The following PTPRR variants were observed in gnomAD, a reference collection of about 807,000 sequenced individuals.
The protein encoded by PTPRR is protein tyrosine phosphatase receptor type R.
In PTPRR, 38 loss-of-function variants were observed where a neutral mutation model predicts 77.2. That is an observed-to-expected ratio of 0.49 (90% confidence interval 0.38 to 0.65). PTPRR has a LOEUF of 0.65. Among genes scored for constraint, PTPRR ranks in the 30% least tolerant of loss-of-function variants. PTPRR has a pLI of 0.00. For synonymous variants in PTPRR, 299 were observed against 283.1 expected, an observed-to-expected ratio of 1.06 and a Z score of -0.57; for missense variants, 744 against 799.2, an observed-to-expected ratio of 0.93 and a Z score of 0.83.
At chr12:70,717,102 TCCTC>T (rs372786926) in intron 6 of PTPRR, among the ~76,000 whole-genome samples, 4 of 152,326 alleles carry the variant, frequency 2.6e-5, no homozygotes, top group African/African-American at 9.6e-5. Context: ...ATACTATTCT[TCCTC>T]AGGTATTGTT....
chr12:70,732,066 G>T (rs535060220), intron 6 of PTPRR, among the ~76,000 whole-genome samples: 1 of 152,298 alleles, frequency 6.6e-6, no homozygotes, highest in African/African-American at 2.4e-5. Flanking sequence ...GTTTGAGTAG[G>T]GCTGACCATC....
chr12:70,850,588 C>A (rs544822822), intron 2 of PTPRR, among the ~76,000 whole-genome samples: 4 of 152,080 alleles, frequency 2.6e-5, no homozygotes, highest in African/African-American at 4.8e-5. Flanking sequence ...TTCTTTATAT[C>A]CTGAATACAA....
At chr12:70,801,746 T>C (rs759473662) in intron 2 of PTPRR, among the ~76,000 whole-genome samples, 13 of 152,148 alleles carry the variant, frequency 8.5e-5, no homozygotes, top group Non-Finnish European at 1.6e-4. Context: ...ATAATAAATC[T>C]ATCTATCTAT....
intron 2 of PTPRR, among the ~76,000 whole-genome samples, chr12:70,892,228 C>A (rs1158648666): frequency 1.3e-5 from 2 of 152,010 alleles, no homozygotes. Flanking sequence ...CTCTACCACA[C>A]CTCCCCTTTC....
intron 2 of PTPRR, among the ~76,000 whole-genome samples, chr12:70,800,992 G>A (rs1436081331): frequency 6.6e-6 from 1 of 151,828 alleles, no homozygotes; most frequent in African/African-American, 2.4e-5. Flanking sequence ...CACATGGTGT[G>A]GTATTCATTA....
At chr12:70,684,888 C>G in intron 8 of PTPRR, 105 bp from the exon 9 acceptor site, 1 of 700,032 alleles carries the variant, frequency 1.4e-6, no homozygotes, top group Non-Finnish European at 2.4e-6. Flanking sequence ...TATTGATTAT[C>G]TGGTGCATGT....
intron 2 of PTPRR, among the ~76,000 whole-genome samples, chr12:70,848,036 C>T (rs11178452): frequency 0.018 from 2,777 of 152,200 alleles, 36 homozygotes; most frequent in Middle Eastern, 0.034. Flanking sequence ...TTGCCTAAAC[C>T]TAAGTGTGTC....
intron 13 of PTPRR, among the ~76,000 whole-genome samples, chr12:70,655,366 G>A (rs1005012865): frequency 2.6e-5 from 4 of 152,140 alleles, no homozygotes; most frequent in Non-Finnish European, 5.9e-5. Context: ...ATAGAATTCC[G>A]TATGATCCAT....
chr12:70,887,814 T>C (rs1326008181), intron 2 of PTPRR, among the ~76,000 whole-genome samples: 1 of 152,036 alleles, frequency 6.6e-6, no homozygotes, highest in Non-Finnish European at 1.5e-5. Context: ...TGTGCTATGC[T>C]TCCCAAACCT....
chr12:70,714,626 C>T (rs925238454), intron 6 of PTPRR, among the ~76,000 whole-genome samples: 1 of 152,046 alleles, frequency 6.6e-6, no homozygotes, highest in Non-Finnish European at 1.5e-5. Flanking sequence ...ACAATGTTGC[C>T]ATGGAAAGTC....
At chr12:70,849,943 A>C (rs1892545026) in intron 2 of PTPRR, among the ~76,000 whole-genome samples, 1 of 152,226 alleles carries the variant, frequency 6.6e-6, no homozygotes, top group Non-Finnish European at 1.5e-5. Context: ...AATTGCCTAA[A>C]CTATAAATGC....
Position 70,829,044 on chromosome 12 carries a change from C to T in PTPRR, c.357+63635G>A, listed in dbSNP as rs1349647704. ...AACCTATGAATATAGTCCACAGAGA[C>T]TGTGGACTGTGATGGAGACATGCAT... On this transcript the variant is annotated intron_variant, in intron 2 of 13. Coordinates refer to ENST00000283228, the MANE Select transcript of PTPRR (RefSeq NM_002849.4). Among the ~76,000 whole-genome samples, 9 of 152,182 alleles carry T rather than the reference C, an allele frequency of 5.9e-5. No individual in the cohort carries two copies. In the South Asian group the frequency reaches 1.9e-3, roughly 32 times the overall value.
intron 6 of PTPRR, among the ~76,000 whole-genome samples, chr12:70,716,527 G>A (rs750517163): frequency 1.3e-5 from 2 of 151,922 alleles, no homozygotes; most frequent in Non-Finnish European, 2.9e-5. Flanking sequence ...CACATTTCTT[G>A]GGATGCACAT....
chr12:70,715,277 T>C (rs372670532), intron 6 of PTPRR, among the ~76,000 whole-genome samples: 8 of 152,092 alleles, frequency 5.3e-5, no homozygotes, highest in African/African-American at 1.9e-4. Context: ...ACGAACAGGG[T>C]ATGGGTCACA....
intron 1 of PTPRR, among the ~76,000 whole-genome samples, chr12:70,896,042 A>T (rs1262496531): frequency 6.6e-6 from 1 of 151,670 alleles, no homozygotes; most frequent in Non-Finnish European, 1.5e-5. Flanking sequence ...TGAAAGAGTG[A>T]AAAGCAACAT....
intron 2 of PTPRR, among the ~76,000 whole-genome samples, chr12:70,887,060 A>G (rs1388046625): frequency 3.3e-5 from 5 of 152,240 alleles, no homozygotes; most frequent in African/African-American, 1.2e-4. Context: ...TCCTTCTTTC[A>G]GTGATGGCGT....
At chr12:70,671,816 T>G in intron 10 of PTPRR, 3 of 557,930 alleles carry the variant, frequency 5.4e-6, no homozygotes, top group Non-Finnish European at 9.8e-6. Context: ...CCCGGCTAGC[T>G]GCAGTCATTG....
chr12:70,699,291 T>C (rs1888338971), intron 7 of PTPRR, among the ~76,000 whole-genome samples: 1 of 152,178 alleles, frequency 6.6e-6, no homozygotes, highest in Non-Finnish European at 1.5e-5. Flanking sequence ...CAGTAGAAAA[T>C]TTAACTTAAC....
intron 2 of PTPRR, among the ~76,000 whole-genome samples, chr12:70,824,687 C>G (rs1289514906): frequency 6.6e-6 from 1 of 152,108 alleles, no homozygotes; most frequent in Non-Finnish European, 1.5e-5. Flanking sequence ...GTGTTGCTTT[C>G]CTTATCCTTC....
Sources: gnomAD v4.1 joint callset for allele counts (sites outside exome capture counted in the v4.1 genomes callset) on GRCh38, gnomAD v4.1.1 for gene constraint, MANE v1.5 for transcripts, NCBI Gene and HGNC (gene_info 2026-07-23, HGNC 2026-07-21) for gene names.